PPP1R15B: variants seen among roughly 807,000 people sequenced by gnomAD.
The protein encoded by PPP1R15B is protein phosphatase 1 regulatory subunit 15B, also known as protein phosphatase 1, regulatory (inhibitor) subunit 15B.
In PPP1R15B, 31 loss-of-function variants were observed where a neutral mutation model predicts 53.9. The observed-to-expected ratio is 0.58, with a 90% CI of 0.43 to 0.78. The LOEUF is 0.78. PPP1R15B is among the 30% of genes least tolerant of loss of function. The pLI is 0.00. For missense variants in PPP1R15B, 928 were observed against 849.6 expected, an observed-to-expected ratio of 1.09 and a Z score of -1.15; for synonymous variants, 345 against 329.1, an observed-to-expected ratio of 1.05 and a Z score of -0.52.
intron 1 of PPP1R15B, among the ~76,000 whole-genome samples, chr1:204,407,081 TG>T (rs1674278765): frequency 6.6e-6 from 1 of 152,222 alleles, no homozygotes; most frequent in East Asian, 1.9e-4. Context: ...ACTATATCCC[TG>T]GAAGTCACTG....
Position 204,410,156 on chromosome 1 carries a change from G to A in PPP1R15B, c.1256C>T (p.Pro419Leu). The change falls in exon 1 of 2, where the codon CCA becomes CTA. Residue 419 changes from proline (P) to leucine (L), a missense_variant. Coordinates refer to ENST00000367188, the MANE Select transcript of PPP1R15B (RefSeq NM_032833.5). ...LEGDLPISAR[P>L]ACSNKLIDYI... is the part of the protein sequence containing the mutation. Reference sequence around the variant, plus strand: ...ATCTATCAGTTTGTTACTACAAGCTGGTCTGGCAGAAATGGGAAGGTCACC... The same window carrying A: ...ATCTATCAGTTTGTTACTACAAGCTAGTCTGGCAGAAATGGGAAGGTCACC... 6.2e-7 allele frequency: 1 copy of A among 1,613,868 alleles called. No individual in the cohort carries two copies. Among genetic ancestry groups the A allele is most frequent in the Non-Finnish European group, 8.5e-7 (1 of 1,180,026 alleles).
chr1:204,400,755 C>T (rs1049178693), downstream of PPP1R15B: 8 of 978,456 alleles, frequency 8.2e-6, no homozygotes, highest in Admixed American at 1.2e-4. Flanking sequence ...TCTTCTTTTG[C>T]TATTAAGTTC....
rs1199790380 is a variant in PPP1R15B, at chr1:204,403,647, C to T, written c.*2445G>A. 9 of 985,024 alleles carry T rather than the reference C, an allele frequency of 9.1e-6. No homozygotes were observed. Among genetic ancestry groups the T allele is most frequent in the Non-Finnish European group, 1.1e-5 (9 of 829,288 alleles). 61.0% of individuals were successfully genotyped at this position (985,024 alleles called of 1,614,324 possible). On this transcript the variant is annotated 3_prime_UTR_variant, in exon 2 of 2. Coordinates refer to ENST00000367188, the MANE Select transcript of PPP1R15B (RefSeq NM_032833.5). ...GGAACTTTTACCTGTCTGTACAAAGCCTTTTACATGCTACATTGACACTTA... is the reference window on the plus strand; with the variant it reads ...GGAACTTTTACCTGTCTGTACAAAGTCTTTTACATGCTACATTGACACTTA...
chr1:204,403,391 A>G lies in PPP1R15B; in HGVS notation c.*2701T>C, dbSNP rs778137134. 1.6e-5 allele frequency: 11 copies of G among 685,818 alleles called. No individual in the cohort carries two copies. Among genetic ancestry groups the G allele is most frequent in the Non-Finnish European group, 2.0e-5 (11 of 556,940 alleles). The allele number at this position is 685,818 out of a possible 1,614,324, so 42.5% of individuals were successfully genotyped here. A position where few individuals can be genotyped will look rare whatever the true frequency, so the allele number is the denominator to read the frequency against. ...GAACCAAAATATCACTTAACATTTA[A>G]TAATTGCAAATATATTTATTACAAT... On this transcript the variant is annotated 3_prime_UTR_variant, in exon 2 of 2. Coordinates refer to ENST00000367188, the MANE Select transcript of PPP1R15B (RefSeq NM_032833.5).
chr1:204,406,460 T>C, intron 1 of PPP1R15B, 147 bp from the exon 2 acceptor site: 2 of 1,252,936 alleles, frequency 1.6e-6, no homozygotes, highest in East Asian at 2.6e-5. Flanking sequence ...CCCAGCTATA[T>C]TTGAAGTTAA....
intron 1 of PPP1R15B, 49 bp from the exon 2 acceptor site, chr1:204,406,362 A>G (rs1250953373): frequency 8.1e-6 from 13 of 1,596,656 alleles, no homozygotes; most frequent in Admixed American, 6.8e-5. Flanking sequence ...TCTTACAATC[A>G]GCATTGAGGT....
In PPP1R15B at chr1:204,409,822, A is replaced by G. The variant is rs754536446; in HGVS notation, c.1590T>C (p.Pro530=). The change falls in exon 1 of 2, where the codon CCT becomes CCC. Residue 530 remains proline, a synonymous_variant. Coordinates refer to ENST00000367188, the MANE Select transcript of PPP1R15B (RefSeq NM_032833.5). ...CCCCAGAACTATGCTCAGGGGTCTC[A>G]GGAAGGCTTCCAGACTGGGAGGAAT... The part of the protein sequence containing the change: ...LENSSQSGSL[P]ETPEHSSGEE... The G allele has an allele frequency of 6.8e-6, 11 of 1,614,094 alleles. No homozygotes were observed. The Middle Eastern group carries it at 1.2e-3, about 169-fold the overall frequency.
In PPP1R15B at chr1:204,410,480, T is replaced by C. The variant is rs1674348484; in HGVS notation, c.932A>G (p.Gln311Arg). The C allele has an allele frequency of 1.2e-6, 2 of 1,614,036 alleles. No homozygotes were observed. The highest frequency in any genetic ancestry group is 2.2e-5 in the South Asian group (2 of 91,080). Residue 311 changes from glutamine to arginine, a missense_variant, in exon 1 of 2, where the codon CAA becomes CGA. Gln to Arg is a conservative substitution (Grantham distance 43). Coordinates refer to ENST00000367188, the MANE Select transcript of PPP1R15B (RefSeq NM_032833.5). ...LEFLQQASKGQDLPTPDQDNG... is the reference protein window; with the variant it reads ...LEFLQQASKGRDLPTPDQDNG... ...ATCCTGGTCAGGGGTGGGTAAATCT[T>C]GCCCCTTGCTAGCCTGTTGAAGGAA...
chr1:204,398,555 G>A (rs1366906232), downstream of PPP1R15B, among the ~76,000 whole-genome samples: 2 of 152,144 alleles, frequency 1.3e-5, no homozygotes, highest in South Asian at 4.1e-4. Context: ...CCTACTTCTG[G>A]GTAATTACCA....
Position 204,405,218 on chromosome 1 carries a change from C to A in PPP1R15B, c.*874G>T. 8.1e-6 allele frequency: 8 copies of A among 982,038 alleles called. No individual in the cohort carries two copies. Among genetic ancestry groups the A allele is most frequent in the African/African-American group, 1.7e-5 (1 of 57,280 alleles). 60.8% of individuals were successfully genotyped at this position (982,038 alleles called of 1,614,324 possible). On this transcript the variant is annotated 3_prime_UTR_variant, in exon 2 of 2. Coordinates refer to ENST00000367188, the MANE Select transcript of PPP1R15B (RefSeq NM_032833.5). ...ATTTTCTTTCTAGGAAATTTCTAGG[C>A]TTTTAAGTTTAAAAAATAAATGATT...
In PPP1R15B at chr1:204,411,020, G is replaced by A. The variant is rs748594441; in HGVS notation, c.392C>T (p.Ser131Phe). 4 of 1,614,082 alleles carry A rather than the reference G, an allele frequency of 2.5e-6. No homozygotes were observed. The African/African-American group carries it at 5.3e-5, about 22-fold the overall frequency. The change falls in exon 1 of 2, where the codon TCC becomes TTC. Residue 131 changes from serine (S) to phenylalanine (F), a missense_variant. By Grantham distance (155) the Ser-to-Phe change is radical. Transcript: ENST00000367188. Reference sequence around the variant, plus strand: ...GGGACTGGTGACCGAGGGGTCTGAGGAGTCGAGCTGCAGCGAACTCAAAGA... The same window carrying A: ...GGGACTGGTGACCGAGGGGTCTGAGAAGTCGAGCTGCAGCGAACTCAAAGA... ...QKSLSSLQLD[S>F]SDPSVTSPLD...
Position 204,411,480 on chromosome 1 carries a change from A to G in PPP1R15B, c.-69T>C, listed in dbSNP as rs1674378742. On this transcript the variant is annotated 5_prime_UTR_variant, in exon 1 of 2. Coordinates refer to ENST00000367188, the MANE Select transcript of PPP1R15B (RefSeq NM_032833.5). ...GCGGCTGGAGGTCGACGGGATTCGG[A>G]GGAAGCCTACAGAGTCTCGGCCTTG... 10 of 1,553,760 alleles carry G rather than the reference A, an allele frequency of 6.4e-6. No individual in the cohort carries two copies. The highest frequency in any genetic ancestry group is 8.6e-6 in the Non-Finnish European group (10 of 1,157,324).
chr1:204,399,149 C>T (rs1674135333), downstream of PPP1R15B, among the ~76,000 whole-genome samples: 1 of 152,176 alleles, frequency 6.6e-6, no homozygotes, highest in African/African-American at 2.4e-5. Context: ...TTAACTTGGC[C>T]AGGCCCAGTG....
chr1:204,399,655 G>A (rs559280599), downstream of PPP1R15B, among the ~76,000 whole-genome samples: 1 of 152,186 alleles, frequency 6.6e-6, no homozygotes, highest in East Asian at 1.9e-4. Context: ...CAAGATCCCT[G>A]TTCTCATGGA....
rs1558216848 is a variant in PPP1R15B, at chr1:204,410,360, C to T, written c.1052G>A (p.Gly351Glu). 5 of 1,614,066 alleles carry T rather than the reference C, an allele frequency of 3.1e-6. No homozygotes were observed. The highest frequency in any genetic ancestry group is 1.7e-5 in the Admixed American group (1 of 59,998). Residue 351 changes from glycine to glutamate, a missense_variant, in exon 1 of 2, where the codon GGA (glycine) becomes GAA (glutamate). Coordinates refer to ENST00000367188, the MANE Select transcript of PPP1R15B (RefSeq NM_032833.5). ...DNPTQFVPAA[G>E]DIPGNTQEST... ...TTCCTGGGTGTTTCCAGGAATGTCT[C>T]CAGCAGCAGGAACAAACTGTGTTGG...
chr1:204,409,495 T>C lies in PPP1R15B; in HGVS notation c.1917A>G (p.Lys639=). ...SGGRHTHVKR[K]KVTFLEEVTE... is the part of the protein sequence containing the mutation. Reference sequence around the variant, plus strand: ...TGTTAAAAGACAAGAAACAAACCTTTTTTCTTTTGACATGTGTGTGTCTTC... The same window carrying C: ...TGTTAAAAGACAAGAAACAAACCTTCTTTCTTTTGACATGTGTGTGTCTTC... Residue 639 remains lysine, a synonymous_variant, in exon 1 of 2, where the codon AAA becomes AAG. Transcript: ENST00000367188. The C allele has an allele frequency of 1.2e-6, 2 of 1,604,212 alleles. No homozygotes were observed. The highest frequency in any genetic ancestry group is 1.7e-6 in the Non-Finnish European group (2 of 1,175,778).
downstream of PPP1R15B, among the ~76,000 whole-genome samples, chr1:204,401,225 G>C (rs1265821162): frequency 6.6e-6 from 1 of 152,224 alleles, no homozygotes; most frequent in Admixed American, 6.5e-5. Context: ...CATAGGTCCT[G>C]CTTGATGAAT....
downstream of PPP1R15B, among the ~76,000 whole-genome samples, chr1:204,401,815 G>A (rs776476645): frequency 1.3e-5 from 2 of 152,184 alleles, no homozygotes; most frequent in Non-Finnish European, 2.9e-5. Flanking sequence ...CAGCTACTCA[G>A]AAGGCTGAGG....
At position 204,405,132 on chromosome 1, in the gene PPP1R15B, T is replaced by C. The variant is rs1674243218; in HGVS notation, c.*960A>G. 1.0e-6 allele frequency: 1 copy of C among 985,730 alleles called. No individual in the cohort carries two copies. Among genetic ancestry groups the C allele is most frequent in the African/African-American group, 1.7e-5 (1 of 57,244 alleles). The allele number at this position is 985,730 out of a possible 1,614,324, so 61.1% of individuals were successfully genotyped here. ...GACAGTGCTGAGGCATGATATTCAT[T>C]AACACTGGTTTTCTGTTGAGAACAT... On this transcript the variant is annotated 3_prime_UTR_variant, in exon 2 of 2. Transcript: ENST00000367188.
Sources: allele counts gnomAD v4.1 joint callset (sites outside exome capture counted in the v4.1 genomes callset), GRCh38; gene constraint gnomAD v4.1.1; transcripts MANE v1.5; gene names NCBI Gene and HGNC (gene_info 2026-07-23, HGNC 2026-07-21).